PIK3C3: variants seen among roughly 807,000 people sequenced by gnomAD.
The protein encoded by PIK3C3 is PI3-kinase type 3.
In PIK3C3, 95 loss-of-function variants were observed where a neutral mutation model predicts 126.1. That is an observed-to-expected ratio of 0.75 (90% CI 0.64 to 0.89). The LOEUF (loss-of-function observed/expected upper bound fraction) is 0.89, where lower values mean the gene tolerates loss of function less well. Among genes scored for constraint, PIK3C3 ranks in the 40% least tolerant of loss-of-function variants. The pLI is 0.00. For missense variants in PIK3C3, 829 were observed against 1,063.2 expected (o/e 0.78, Z 3.06); for synonymous variants, 374 against 360.0 (o/e 1.04, Z -0.44).
rs202056152 is a variant in PIK3C3 at position 42,040,678 on chromosome 18, C to T, written c.2040C>T (p.Gly680=). ...YKVLATSTKH[G]FMQFIQSVPV... ...TGCAGTGCATACATTTCTGTGTAGGCTTCATGCAGTTTATCCAGTCAGTTC... is the reference window on the plus strand; with the variant it reads ...TGCAGTGCATACATTTCTGTGTAGGTTTCATGCAGTTTATCCAGTCAGTTC... The change falls in exon 19 of 25, where the codon GGC becomes GGT. Residue 680 remains glycine, a splice_region_variant and synonymous_variant. Coordinates refer to ENST00000262039, the MANE Select transcript of PIK3C3 (RefSeq NM_002647.4). The T allele has an allele frequency of 8.7e-6, 14 of 1,607,100 alleles. 1 individual carries two copies. Among genetic ancestry groups the T allele is most frequent in the African/African-American group, 4.0e-5 (3 of 74,836 alleles).
chr18:42,075,074 C>T (rs1162412205), intron 24 of PIK3C3, among the ~76,000 whole-genome samples: 1 of 152,062 alleles, frequency 6.6e-6, no homozygotes, highest in Non-Finnish European at 1.5e-5. Context: ...ACAAGTGTGA[C>T]TCTTTTTATA....
intron 15 of PIK3C3, among the ~76,000 whole-genome samples, 192 bp downstream of exon 15, chr18:42,029,633 C>G (rs1983738571): frequency 6.9e-6 from 1 of 144,788 alleles, no homozygotes; most frequent in Admixed American, 7.3e-5. Flanking sequence ...ACCCCCACTT[C>G]CTGGGTTCAA....
intron 10 of PIK3C3, among the ~76,000 whole-genome samples, chr18:42,008,401 G>GA (rs1598890629): frequency 6.6e-6 from 1 of 152,158 alleles, no homozygotes; most frequent in East Asian, 1.9e-4. Flanking sequence ...AGGAAGAATG[G>GA]AAAGTATGTC....
At chr18:42,044,847 C>T (rs547724269) in intron 20 of PIK3C3, among the ~76,000 whole-genome samples, 17 of 152,168 alleles carry the variant, frequency 1.1e-4, no homozygotes, top group Admixed American at 7.9e-4. Flanking sequence ...TTTATATAAG[C>T]GCTATATTTG....
chr18:41,957,675 T>TAA lies in PIK3C3; in HGVS notation c.174_175insAA (p.Val59LysfsTer17). 1 of 1,614,032 alleles carries TAA rather than the reference T, an allele frequency of 6.2e-7. No individual in the cohort carries two copies. Among genetic ancestry groups the TAA allele is most frequent in the Non-Finnish European group, 8.5e-7 (1 of 1,179,928 alleles). ...ATCAAGAGACATGCTCTGATCTTTA[T>TAA]GTTACTTGTCAAGTTTTTGCAGAAG... is the stretch of plus-strand genomic sequence containing the variant. On this transcript the variant is annotated frameshift_variant, in exon 2 of 25. Coordinates refer to ENST00000262039, the MANE Select transcript of PIK3C3 (RefSeq NM_002647.4). LOFTEE classifies it high-confidence loss of function.
rs1031483034 is a variant in PIK3C3, at chr18:42,013,592, G to A, written c.1321G>A (p.Asp441Asn). Residue 441 changes from aspartate to asparagine, a missense_variant, in exon 11 of 25, where the codon GAT becomes AAT. Physicochemically the swap from Asp to Asn is conservative, Grantham distance 23. Coordinates refer to ENST00000262039, the MANE Select transcript of PIK3C3 (RefSeq NM_002647.4). ...TTCTGGAATAAATTCTGCAGAAATA[G>A]ATAGGTATGGATATCCAGGGAGGAC... ...SNSGINSAEIDSSQIITSPLP... is the reference protein window; with the variant it reads ...SNSGINSAEINSSQIITSPLP... The A allele has an allele frequency of 6.3e-7, 1 of 1,578,246 alleles. No individual in the cohort carries two copies. Among genetic ancestry groups the A allele is most frequent in the Admixed American group, 1.9e-5 (1 of 53,344 alleles).
rs145322446 is a variant in PIK3C3 at position 42,076,762 on chromosome 18, T to C, written c.2650-4361T>C. Among the ~76,000 whole-genome samples the C allele has an allele frequency of 3.1e-3, 465 of 152,358 alleles. 4 individuals are homozygous for C. The highest frequency in any genetic ancestry group is 9.1e-3 in the African/African-American group (380 of 41,588). On this transcript the variant is annotated intron_variant, in intron 24 of 24. Transcript: ENST00000262039. ...TTCATACAAATTTAATTTTCTTATC[T>C]TCTCCAAAGAAGATTTTTAAACACT... is the stretch of plus-strand genomic sequence containing the variant.
chr18:42,027,100 C>T (rs1037241707), intron 13 of PIK3C3: 6 of 158,222 alleles, frequency 3.8e-5, no homozygotes, highest in East Asian at 1.8e-4. Context: ...TTTTTGTTCT[C>T]GAGTTACTCA....
chr18:42,067,637 A>G, intron 24 of PIK3C3, 124 bp downstream of exon 24: 1 of 983,296 alleles, frequency 1.0e-6, no homozygotes, highest in Non-Finnish European at 1.5e-6. Flanking sequence ...AGTCGTTTTG[A>G]CATCTCACCA....
chr18:42,033,915 G>T lies in PIK3C3; in HGVS notation c.1797G>T (p.Val599=), dbSNP rs1983935596. The change falls in exon 16 of 25, where the codon GTG becomes GTT. Residue 599 remains valine, a synonymous_variant. Coordinates refer to ENST00000262039, the MANE Select transcript of PIK3C3 (RefSeq NM_002647.4). ...ELIPLPLEPQ[V]KIRGIIPETA... ...TCCCGTTGCCTTTAGAACCCCAAGTGAAAATTAGAGGAATAATTCCGGAAA... is the reference window on the plus strand; with the variant it reads ...TCCCGTTGCCTTTAGAACCCCAAGTTAAAATTAGAGGAATAATTCCGGAAA... 6.2e-7 allele frequency: 1 copy of T among 1,607,094 alleles called. No homozygotes were observed. Among genetic ancestry groups the T allele is most frequent in the Admixed American group, 1.7e-5 (1 of 58,938 alleles).
At chr18:41,976,498 T>C (rs373863584) in intron 4 of PIK3C3, among the ~76,000 whole-genome samples, 8 of 152,202 alleles carry the variant, frequency 5.3e-5, no homozygotes, top group African/African-American at 1.7e-4. Flanking sequence ...CCTCTTAGCA[T>C]AGATTGCAAA....
Position 41,978,999 on chromosome 18 carries a change from G to T in PIK3C3, c.531+8543G>T, listed in dbSNP as rs997771498. Among the ~76,000 whole-genome samples, 8 of 149,202 alleles carry T rather than the reference G, an allele frequency of 5.4e-5. No individual in the cohort carries two copies. In the East Asian group the frequency reaches 1.6e-3, roughly 30 times the overall value. ...CCACTCAGCTACATGGAAGGCTGAG[G>T]CAGGAGGATTGCTTGAGTCCAGGAG... On this transcript the variant is annotated intron_variant, in intron 4 of 24. Coordinates refer to ENST00000262039, the MANE Select transcript of PIK3C3 (RefSeq NM_002647.4).
At chr18:42,019,868 C>T (rs1042267587) in intron 12 of PIK3C3, among the ~76,000 whole-genome samples, 3 of 152,112 alleles carry the variant, frequency 2.0e-5, no homozygotes, top group African/African-American at 7.2e-5. Flanking sequence ...TGTGCCATAA[C>T]AAATCAATCC....
intron 4 of PIK3C3, among the ~76,000 whole-genome samples, chr18:41,984,703 T>G (rs1242111813): frequency 2.0e-5 from 3 of 152,152 alleles, no homozygotes; most frequent in Non-Finnish European, 4.4e-5. Context: ...CTCTAAACTC[T>G]ACACACCTGC....
chr18:41,970,461 A>G lies in PIK3C3; in HGVS notation c.531+5A>G, dbSNP rs759091304. 5 of 1,613,566 alleles carry G rather than the reference A, an allele frequency of 3.1e-6. No individual in the cohort carries two copies. Among genetic ancestry groups the G allele is most frequent in the South Asian group, 2.2e-5 (2 of 91,058 alleles). ...CAGATGAGCCGTCTTGCCAAGGTAA[A>G]AAAAGTCATTTGGAACAGGTGCAAA... On this transcript the variant is annotated splice_donor_5th_base_variant and intron_variant, in intron 4 of 24. Coordinates refer to ENST00000262039, the MANE Select transcript of PIK3C3 (RefSeq NM_002647.4).
In PIK3C3 at chr18:42,012,371, A is replaced by C. The variant is rs143801213; in HGVS notation, c.1171-1071A>C. 8.5e-5 allele frequency among the ~76,000 whole-genome samples: 13 copies of C among 152,288 alleles called. No homozygotes were observed. In the South Asian group the frequency reaches 2.3e-3, roughly 27 times the overall value. ...ACAAATAGGAAAGTGTGGACCATCA[A>C]ATATTTACAGGAGACTTAACCTGGT... On this transcript the variant is annotated intron_variant, in intron 10 of 24. Coordinates refer to ENST00000262039, the MANE Select transcript of PIK3C3 (RefSeq NM_002647.4).
chr18:42,072,850 C>T (rs1013745361), intron 24 of PIK3C3, among the ~76,000 whole-genome samples: 5 of 152,060 alleles, frequency 3.3e-5, no homozygotes, highest in African/African-American at 1.2e-4. Context: ...GTGATCTTTA[C>T]AGTGCTTTCG....
intron 20 of PIK3C3, among the ~76,000 whole-genome samples, chr18:42,049,098 C>T (rs1421887680): frequency 6.6e-6 from 1 of 152,142 alleles, no homozygotes; most frequent in Non-Finnish European, 1.5e-5. Context: ...ATTTGGTTTT[C>T]TATCTGCTTC....
intron 24 of PIK3C3, among the ~76,000 whole-genome samples, chr18:42,079,494 A>G (rs1452852319): frequency 6.6e-6 from 1 of 152,218 alleles, no homozygotes; most frequent in Non-Finnish European, 1.5e-5. Context: ...ACTATGACAC[A>G]GAGACACAAA....
Sources: gnomAD v4.1 joint callset for allele counts (sites outside exome capture counted in the v4.1 genomes callset) on GRCh38, gnomAD v4.1.1 for gene constraint, MANE v1.5 for transcripts, NCBI Gene and HGNC (gene_info 2026-07-23, HGNC 2026-07-21) for gene names.